CSTPP1: variants seen among roughly 807,000 people sequenced by gnomAD.
CSTPP1 encodes centriolar satellite-associated tubulin polyglutamylase complex regulator 1.
chr11:47,075,520 T>C, the CSTPP1 span, among the ~76,000 whole-genome samples: 2 of 152,070 alleles, frequency 1.3e-5, no homozygotes, highest in Non-Finnish European at 2.9e-5. Flanking sequence ...AAGTAAAAAC[T>C]GATTTGGTAA....
At chr11:47,109,704 G>T in the CSTPP1 span, among the ~76,000 whole-genome samples, 1 of 152,316 alleles carries the variant, frequency 6.6e-6, no homozygotes, top group South Asian at 2.1e-4. Context: ...GCCTGGGGCA[G>T]CTTCCACAGC....
chr11:47,070,617 A>T, the CSTPP1 span, among the ~76,000 whole-genome samples: 1 of 152,186 alleles, frequency 6.6e-6, no homozygotes, highest in Non-Finnish European at 1.5e-5. Context: ...TTTAAAAAAT[A>T]CTGTTGCCTA....
At chr11:47,120,460 C>G in the CSTPP1 span, among the ~76,000 whole-genome samples, 1 of 152,208 alleles carries the variant, frequency 6.6e-6, no homozygotes, top group Non-Finnish European at 1.5e-5. This position sits in a 1 kb window ranked among gnomAD's most constrained non-coding sequence, Gnocchi z 4.2. Flanking sequence ...TTACTTACTT[C>G]AGAGCAAAAG....
At chr11:47,078,593 C>G in the CSTPP1 span, among the ~76,000 whole-genome samples, 3 of 151,936 alleles carry the variant, frequency 2.0e-5, no homozygotes, top group Non-Finnish European at 1.5e-5. Context: ...GACTCAAGAG[C>G]ATAGATGGAA....
At chr11:46,987,131 C>T in the CSTPP1 span, 4 of 1,402,534 alleles carry the variant, frequency 2.9e-6, no homozygotes, top group Non-Finnish European at 4.0e-6. Flanking sequence ...TTACACATGA[C>T]CTCCTACTAG....
chr11:46,957,937 T>C, the CSTPP1 span, among the ~76,000 whole-genome samples: 21,791 of 152,128 alleles, frequency 0.14, 5,209 homozygotes, highest in African/African-American at 0.5. Context: ...TACATAGCTA[T>C]ATAGATATAC....
chr11:47,058,714 T>C, the CSTPP1 span, among the ~76,000 whole-genome samples: 3 of 152,286 alleles, frequency 2.0e-5, no homozygotes, highest in African/African-American at 7.2e-5. Flanking sequence ...GCATAGAAAA[T>C]GAAACAGATT....
At chr11:47,079,867 GT>G in the CSTPP1 span, among the ~76,000 whole-genome samples, 1 of 151,780 alleles carries the variant, frequency 6.6e-6, no homozygotes, top group Non-Finnish European at 1.5e-5. Flanking sequence ...GCGGAGGCGA[GT>G]GGATCACTTG....
the CSTPP1 span, chr11:47,157,885 G>C: frequency 3.7e-6 from 6 of 1,614,080 alleles, no homozygotes; most frequent in Middle Eastern, 1.6e-4. Context: ...GATTCCTCAT[G>C]GCTCTCTCAA....
At chr11:47,063,069 A>G in the CSTPP1 span, among the ~76,000 whole-genome samples, 1 of 152,158 alleles carries the variant, frequency 6.6e-6, no homozygotes, top group Non-Finnish European at 1.5e-5. Context: ...ATAATCACTA[A>G]AAGGTAAAGT....
the CSTPP1 span, among the ~76,000 whole-genome samples, chr11:47,116,006 G>C: frequency 1.5e-4 from 23 of 152,144 alleles, no homozygotes; most frequent in Non-Finnish European, 2.8e-4. Context: ...AGAGATTCTG[G>C]TACGTTGTGT....
chr11:46,968,387 A>G, the CSTPP1 span, among the ~76,000 whole-genome samples: 2 of 146,932 alleles, frequency 1.4e-5, no homozygotes, highest in African/African-American at 2.5e-5. Flanking sequence ...ATAATATTTA[A>G]TATATTTAAA....
chr11:46,972,794 A>G, the CSTPP1 span, among the ~76,000 whole-genome samples: 4 of 152,178 alleles, frequency 2.6e-5, no homozygotes, highest in Non-Finnish European at 5.9e-5. Context: ...AAAAATCTTC[A>G]TGTATGTTTG....
chr11:47,086,086 A>G, the CSTPP1 span, among the ~76,000 whole-genome samples: 1 of 151,712 alleles, frequency 6.6e-6, no homozygotes, highest in Admixed American at 6.6e-5. Flanking sequence ...TAAACTACTT[A>G]TGAACAAGAA....
At chr11:47,083,131 G>A in the CSTPP1 span, among the ~76,000 whole-genome samples, 6 of 151,576 alleles carry the variant, frequency 4.0e-5, no homozygotes, top group Non-Finnish European at 1.5e-5. Flanking sequence ...GAGAACATGC[G>A]GTGTTTGTTT....
At chr11:46,992,751 C>A in the CSTPP1 span, among the ~76,000 whole-genome samples, 1 of 151,904 alleles carries the variant, frequency 6.6e-6, no homozygotes, top group Non-Finnish European at 1.5e-5. Context: ...GGGTATATAC[C>A]CAGTAATGGG....
At chr11:46,960,260 G>A in the CSTPP1 span, among the ~76,000 whole-genome samples, 1 of 152,146 alleles carries the variant, frequency 6.6e-6, no homozygotes, top group Non-Finnish European at 1.5e-5. Context: ...TCAGTTTCCT[G>A]TGTAGGTGAG....
At chr11:47,049,044 G>T in the CSTPP1 span, among the ~76,000 whole-genome samples, 1 of 152,114 alleles carries the variant, frequency 6.6e-6, no homozygotes, top group African/African-American at 2.4e-5. Flanking sequence ...GGAGTGCAGT[G>T]GTGCGATCAC....
chr11:47,044,703 G>A, the CSTPP1 span, among the ~76,000 whole-genome samples: 4 of 151,992 alleles, frequency 2.6e-5, no homozygotes, highest in African/African-American at 7.2e-5. Context: ...CAGGAGGATT[G>A]CTTGAGGACC....
Sources: gnomAD v4.1 joint callset for allele counts (sites outside exome capture counted in the v4.1 genomes callset) on GRCh38, gnomAD v4.1.1 for gene constraint, Gnocchi (gnomAD v3.1) non-coding constraint, MANE v1.5 for transcripts, NCBI Gene and HGNC (gene_info 2026-07-23, HGNC 2026-07-21) for gene names.